Variants in PCDH11X observed in about 807,000 individuals in gnomAD.
PCDH11X encodes protocadherin-11 X-linked.
PCDH11X carries 18 observed loss-of-function variants against 53.3 expected under a neutral mutation model. The ratio of observed to expected loss-of-function variants is 0.34; its 90% CI spans 0.23 to 0.50. PCDH11X has a LOEUF of 0.50. Ranked by LOEUF, PCDH11X falls within the 20% of genes least tolerant of loss-of-function variation. The pLI, the probability that PCDH11X is intolerant of heterozygous loss-of-function variation, is 0.98. For missense variants in PCDH11X, 570 were observed against 1,032.4 expected, an observed-to-expected ratio of 0.55 and a Z score of 6.14; for synonymous variants, 279 against 393.3, an observed-to-expected ratio of 0.71 and a Z score of 3.44.
intron 6 of PCDH11X, among the ~76,000 whole-genome samples, chrX:91,939,777 A>T (rs2061486543): frequency 9.0e-6 from 1 of 111,050 alleles, no homozygotes; most frequent in Admixed American, 9.6e-5. Context: ...AGGGCAAAAT[A>T]AAGATATTTC....
intron 6 of PCDH11X, among the ~76,000 whole-genome samples, chrX:92,147,806 C>CTTT (rs1569387844): frequency 1.5e-5 from 1 of 65,272 alleles, no homozygotes; most frequent in African/African-American, 6.5e-5. Flanking sequence ...TTCTTTTCTT[C>CTTT]CTTCCTTTCT....
At chrX:92,225,298 TC>T (rs1203567992) in intron 7 of PCDH11X, among the ~76,000 whole-genome samples, 1 of 102,172 alleles carries the variant, frequency 9.8e-6, no homozygotes, top group Non-Finnish European at 2.0e-5. Context: ...GTAGTATTTC[TC>T]CCTTGTTTTA....
chrX:92,479,350 T>C (rs1002192121), intron 10 of PCDH11X, among the ~76,000 whole-genome samples: 3 of 110,688 alleles, frequency 2.7e-5, no homozygotes, highest in Non-Finnish European at 5.7e-5. Context: ...AGCATTTAGC[T>C]TGTTTACATT....
chrX:92,271,021 G>A (rs747239642), intron 8 of PCDH11X, among the ~76,000 whole-genome samples: 10 of 111,736 alleles, frequency 8.9e-5, no homozygotes, highest in Non-Finnish European at 1.9e-4. Flanking sequence ...CTGAAGCAAA[G>A]AAAGAAGGGT....
chrX:92,421,849 T>C (rs367983324), intron 9 of PCDH11X, among the ~76,000 whole-genome samples: 4 of 112,053 alleles, frequency 3.6e-5, no homozygotes, highest in Admixed American at 9.5e-5. Flanking sequence ...AGGTCACACG[T>C]ATGTCTTATT....
At chrX:92,375,733 C>T (rs1284442166) in intron 8 of PCDH11X, among the ~76,000 whole-genome samples, 1 of 108,386 alleles carries the variant, frequency 9.2e-6, no homozygotes, top group Non-Finnish European at 1.9e-5. Flanking sequence ...CAAGCAGTTC[C>T]CTGCCACAGC....
At chrX:92,326,414 C>T (rs958171096) in intron 8 of PCDH11X, among the ~76,000 whole-genome samples, 3 of 102,030 alleles carry the variant, frequency 2.9e-5, no homozygotes, top group Admixed American at 1.1e-4. Context: ...TGGGCAGTCA[C>T]GAAAGTCCAC....
intron 6 of PCDH11X, among the ~76,000 whole-genome samples, chrX:92,108,672 T>G: frequency 9.0e-6 from 1 of 111,612 alleles, no homozygotes; most frequent in East Asian, 2.8e-4. Flanking sequence ...TAAATAGAAT[T>G]CCAATAATGC....
At chrX:91,807,886 A>T (rs2147554326) in intron 1 of PCDH11X, among the ~76,000 whole-genome samples, 1 of 108,229 alleles carries the variant, frequency 9.2e-6, no homozygotes, top group South Asian at 4.2e-4. Context: ...AGCTCTGTCG[A>T]TCCAGGGATG....
chrX:92,222,082 C>T (rs962020751), intron 7 of PCDH11X, among the ~76,000 whole-genome samples: 1 of 111,260 alleles, frequency 9.0e-6, no homozygotes, highest in Non-Finnish European at 1.9e-5. Context: ...GATCCACCCT[C>T]CTTGGCTTCC....
intron 9 of PCDH11X, among the ~76,000 whole-genome samples, chrX:92,412,859 A>G (rs1302216236): frequency 9.1e-6 from 1 of 110,126 alleles, no homozygotes; most frequent in Non-Finnish European, 1.9e-5. Context: ...ATTCTAAGAT[A>G]AGCAGCTAGA....
intron 6 of PCDH11X, among the ~76,000 whole-genome samples, chrX:91,920,560 C>T (rs1366483156): frequency 9.0e-6 from 1 of 111,004 alleles, no homozygotes; most frequent in African/African-American, 3.3e-5. Flanking sequence ...AAGAGTCAAG[C>T]AGAGAAATCT....
At chrX:92,330,003 G>T (rs1445280431) in intron 8 of PCDH11X, among the ~76,000 whole-genome samples, 2 of 110,720 alleles carry the variant, frequency 1.8e-5, no homozygotes, top group Non-Finnish European at 3.8e-5. Context: ...GTAACACAAA[G>T]AAAGGATAAA....
At chrX:92,345,590 T>A (rs2069872628) in intron 8 of PCDH11X, among the ~76,000 whole-genome samples, 1 of 111,567 alleles carries the variant, frequency 9.0e-6, no homozygotes, top group Non-Finnish European at 1.9e-5. Flanking sequence ...AAATCCAGAA[T>A]AACGTTAATT....
At chrX:92,015,766 G>T (rs1015686797) in intron 6 of PCDH11X, among the ~76,000 whole-genome samples, 1 of 111,720 alleles carries the variant, frequency 9.0e-6, no homozygotes, top group African/African-American at 3.3e-5. Context: ...TCATCCATGA[G>T]CGGGGGAATC....
intron 10 of PCDH11X, among the ~76,000 whole-genome samples, chrX:92,502,357 T>TA (rs200862333): frequency 0.32 from 33,157 of 103,549 alleles, 4,315 homozygotes; most frequent in Non-Finnish European, 0.37. Flanking sequence ...TTCACGGAAT[T>TA]AAAAAAAAAA....
chrX:91,879,759 A>C (rs1430669924), intron 6 of PCDH11X: 3 of 759,220 alleles, frequency 4.0e-6, no homozygotes, highest in African/African-American at 2.9e-5. Context: ...TTCCCCCCAT[A>C]CTCTACCAGG....
At chrX:92,260,733 T>C (rs1247141332) in intron 7 of PCDH11X, among the ~76,000 whole-genome samples, 1 of 111,733 alleles carries the variant, frequency 8.9e-6, no homozygotes, top group Non-Finnish European at 1.9e-5. Context: ...CTCTTTTTCA[T>C]TAGTTGTATT....
In PCDH11X at chrX:91,940,184, G is replaced by T. The variant is rs186040671; in HGVS notation, c.3033+60911G>T. ...CTTCCCCCATGCCTCTCTTGCTCCT[G>T]CTTCAACTTCCGCCATGATTGTAAG... On this transcript the variant is annotated intron_variant, in intron 6 of 10. Coordinates refer to ENST00000682573, the MANE Select transcript of PCDH11X (RefSeq NM_032968.5). Among the ~76,000 whole-genome samples the T allele has an allele frequency of 5.2e-3, 574 of 110,554 alleles. 4 individuals carry two copies. The highest frequency in any genetic ancestry group is 0.018 in the African/African-American group (545 of 30,476).
Sources: gnomAD v4.1 joint callset for allele counts (sites outside exome capture counted in the v4.1 genomes callset) on GRCh38, gnomAD v4.1.1 for gene constraint, MANE v1.5 for transcripts, NCBI Gene and HGNC (gene_info 2026-07-23, HGNC 2026-07-21) for gene names.